Variants in GRID2 observed in about 807,000 individuals in gnomAD.
The protein encoded by GRID2 is glutamate ionotropic receptor delta type subunit 2, also known as glutamate receptor ionotropic, delta-2.
Under a neutral mutation model 114.8 loss-of-function variants are expected in GRID2, and 33 were observed. The observed-to-expected ratio is 0.29, with a 90% confidence interval of 0.22 to 0.38. The LOEUF (loss-of-function observed/expected upper bound fraction) is 0.38, where lower values mean the gene tolerates loss of function less well. Ranked by LOEUF, GRID2 falls within the 10% of genes least tolerant of loss-of-function variation. GRID2 has a pLI of 1.00. For missense variants in GRID2, 1,184 were observed against 1,257.7 expected (o/e 0.94, Z 0.89); for synonymous variants, 505 against 449.9 (o/e 1.12, Z -1.55).
Position 93,607,182 on chromosome 4 carries a change from A to G in GRID2, c.2194-19087A>G, listed in dbSNP as rs550288305. Among the ~76,000 whole-genome samples, 6 of 152,226 alleles carry G rather than the reference A, an allele frequency of 3.9e-5. No homozygotes were observed. The South Asian group carries it at 1.2e-3, about 32-fold the overall frequency. On this transcript the variant is annotated intron_variant, in intron 13 of 15. Transcript: ENST00000282020. Reference sequence around the variant, plus strand: ...TCTACCTTCAAATGATAACAAATGGAATACATAGTATTATTCCATATTTTT... The same window carrying G: ...TCTACCTTCAAATGATAACAAATGGGATACATAGTATTATTCCATATTTTT...
intron 2 of GRID2, among the ~76,000 whole-genome samples, chr4:92,739,006 C>G (rs943972470): frequency 6.6e-6 from 1 of 152,014 alleles, no homozygotes; most frequent in African/African-American, 2.4e-5. Context: ...CATTGCTGAA[C>G]AGAAGATGAT....
chr4:93,176,632 T>A (rs1739368121), intron 4 of GRID2, among the ~76,000 whole-genome samples: 1 of 152,308 alleles, frequency 6.6e-6, no homozygotes, highest in South Asian at 2.1e-4. Context: ...TATATTATGA[T>A]GGTAAAATTT....
chr4:92,581,525 A>C (rs1030711994), intron 1 of GRID2, among the ~76,000 whole-genome samples: 2 of 152,066 alleles, frequency 1.3e-5, no homozygotes, highest in Non-Finnish European at 2.9e-5. Context: ...CTGGATAACT[A>C]TACAGGTTTT....
At chr4:92,794,963 AGAG>A (rs1273406027) in intron 2 of GRID2, among the ~76,000 whole-genome samples, 1 of 149,480 alleles carries the variant, frequency 6.7e-6, no homozygotes, top group African/African-American at 2.5e-5. Context: ...CCTGGAGAAA[AGAG>A]AACATTATTA....
intron 1 of GRID2, among the ~76,000 whole-genome samples, chr4:92,423,140 G>A (rs559279926): frequency 6.6e-6 from 1 of 152,246 alleles, no homozygotes; most frequent in African/African-American, 2.4e-5. Context: ...CATGAAAAAT[G>A]ATAGCTCAAA....
intron 12 of GRID2, among the ~76,000 whole-genome samples, chr4:93,514,323 T>C (rs558932696): frequency 6.6e-6 from 1 of 151,904 alleles, no homozygotes; most frequent in African/African-American, 2.4e-5. Context: ...AAAGATTGAC[T>C]TAAAAATCTT....
At chr4:93,198,280 C>T (rs1741706107) in intron 4 of GRID2, among the ~76,000 whole-genome samples, 1 of 152,080 alleles carries the variant, frequency 6.6e-6, no homozygotes, top group Non-Finnish European at 1.5e-5. Context: ...TTATTTGTCT[C>T]AGGTGGGATA....
intron 1 of GRID2, among the ~76,000 whole-genome samples, chr4:92,526,540 C>T (rs980366213): frequency 7.2e-5 from 11 of 152,138 alleles, no homozygotes; most frequent in South Asian, 2.1e-4. Flanking sequence ...GCCAGGGTTT[C>T]ACCATGTTGG....
intron 9 of GRID2, among the ~76,000 whole-genome samples, 195 bp from the exon 10 acceptor site, chr4:93,422,576 A>AGAT (rs1005050663): frequency 1.3e-5 from 2 of 152,204 alleles, no homozygotes; most frequent in African/African-American, 4.8e-5. Context: ...ATTAAAAGGG[A>AGAT]GATGATAAGA....
chr4:93,705,270 T>C lies in GRID2; in HGVS notation c.2361-63940T>C, dbSNP rs116673903. Among the ~76,000 whole-genome samples, 481 of 152,286 alleles carry C rather than the reference T, an allele frequency of 3.2e-3. 3 individuals carry two copies. Among genetic ancestry groups the C allele is most frequent in the African/African-American group, 0.011 (467 of 41,578 alleles). ...TGTATGTCTTATTTTGAGAAATGTCTATTCAGATCTTTTGCCTAGTTTTTG... is the reference window on the plus strand; with the variant it reads ...TGTATGTCTTATTTTGAGAAATGTCCATTCAGATCTTTTGCCTAGTTTTTG... On this transcript the variant is annotated intron_variant, in intron 14 of 15. Coordinates refer to ENST00000282020, the MANE Select transcript of GRID2 (RefSeq NM_001510.4).
intron 8 of GRID2, among the ~76,000 whole-genome samples, chr4:93,266,793 A>G (rs1750883448): frequency 6.6e-6 from 1 of 152,202 alleles, no homozygotes. Flanking sequence ...ATGAAAGCCC[A>G]GAAGTACGTG....
intron 10 of GRID2, among the ~76,000 whole-genome samples, chr4:93,454,752 A>C (rs932448108): frequency 1.3e-5 from 2 of 152,126 alleles, no homozygotes; most frequent in Non-Finnish European, 2.9e-5. Context: ...GAAACAATTA[A>C]AAAGAAAATA....
intron 3 of GRID2, among the ~76,000 whole-genome samples, chr4:93,098,513 G>T (rs1424197083): frequency 6.6e-6 from 1 of 152,006 alleles, no homozygotes; most frequent in Non-Finnish European, 1.5e-5. Flanking sequence ...ATAAGAGGAG[G>T]TGCTCGTCAG....
chr4:93,322,178 T>C (rs1472224598), intron 8 of GRID2, among the ~76,000 whole-genome samples: 1 of 152,090 alleles, frequency 6.6e-6, no homozygotes, highest in African/African-American at 2.4e-5. Flanking sequence ...GTTTATCTCC[T>C]AATGCTATCC....
At chr4:92,312,911 A>G (rs1324982061) in intron 1 of GRID2, among the ~76,000 whole-genome samples, 1 of 152,122 alleles carries the variant, frequency 6.6e-6, no homozygotes, top group Non-Finnish European at 1.5e-5. Flanking sequence ...TAGAACTATC[A>G]TTTGATGCAG....
intron 1 of GRID2, among the ~76,000 whole-genome samples, 194 bp downstream of exon 1, chr4:92,304,938 T>C (rs1238704017): frequency 6.6e-6 from 1 of 152,112 alleles, no homozygotes. Context: ...CTCGACTGAC[T>C]TGTGCTGTTG....
chr4:93,756,422 T>C (rs910631375), intron 14 of GRID2, among the ~76,000 whole-genome samples: 1 of 152,222 alleles, frequency 6.6e-6, no homozygotes, highest in Non-Finnish European at 1.5e-5. Flanking sequence ...TGGAAATTTA[T>C]TTCTCACAGT....
chr4:92,927,643 GT>G (rs1288192622), intron 2 of GRID2, among the ~76,000 whole-genome samples: 1 of 151,758 alleles, frequency 6.6e-6, no homozygotes, highest in Admixed American at 6.6e-5. Flanking sequence ...TATCTTCAGT[GT>G]TTTTTGCTAT....
intron 2 of GRID2, among the ~76,000 whole-genome samples, chr4:92,855,172 A>G (rs1220599989): frequency 6.6e-6 from 1 of 152,060 alleles, no homozygotes; most frequent in East Asian, 1.9e-4. Context: ...TGACAGAATG[A>G]CAAATGAATG....
Sources: gnomAD v4.1 joint callset for allele counts (sites outside exome capture counted in the v4.1 genomes callset) on GRCh38, gnomAD v4.1.1 for gene constraint, MANE v1.5 for transcripts, NCBI Gene and HGNC (gene_info 2026-07-23, HGNC 2026-07-21) for gene names.